Variants in TMEM178B observed in about 807,000 individuals in gnomAD.
TMEM178B encodes the protein transmembrane protein 178B.
In TMEM178B, 5 loss-of-function variants were observed where a neutral mutation model predicts 31.0. The ratio of observed to expected loss-of-function variants is 0.16; its 90% CI spans 0.08 to 0.34. TMEM178B has a LOEUF of 0.34. Ranked by LOEUF, TMEM178B falls within the 10% of genes least tolerant of loss-of-function variation. TMEM178B has a pLI of 1.00. For missense variants in TMEM178B, 275 were observed against 400.3 expected (o/e 0.69, Z 2.67); for synonymous variants, 164 against 164.0 (o/e 1.00, Z 0.00).
At chr7:141,212,793 T>C in intron 2 of TMEM178B, 89 bp downstream of exon 2, 1 of 1,039,102 alleles carries the variant, frequency 9.6e-7, no homozygotes, top group East Asian at 2.6e-5. Flanking sequence ...CCTTCTGGGA[T>C]CTGTGGATGG....
chr7:141,081,371 C>T (rs1563082522), intron 1 of TMEM178B, among the ~76,000 whole-genome samples: 1 of 152,230 alleles, frequency 6.6e-6, no homozygotes, highest in East Asian at 1.9e-4. Flanking sequence ...TGCAGTGGCT[C>T]ACACCTGTAA....
At chr7:141,292,992 G>A (rs1282782740) in intron 2 of TMEM178B, among the ~76,000 whole-genome samples, 1 of 151,898 alleles carries the variant, frequency 6.6e-6, no homozygotes, top group African/African-American at 2.4e-5. Context: ...TGTTGAGCCT[G>A]CAATAGTGAG....
chr7:141,340,169 A>G (rs533954954), intron 2 of TMEM178B, among the ~76,000 whole-genome samples: 1 of 152,348 alleles, frequency 6.6e-6, no homozygotes, highest in East Asian at 1.9e-4. Flanking sequence ...CAAGAAATGC[A>G]GGCAGTTTCT....
At chr7:141,393,667 C>G (rs1457252329) in intron 2 of TMEM178B, among the ~76,000 whole-genome samples, 1 of 152,224 alleles carries the variant, frequency 6.6e-6, no homozygotes, top group African/African-American at 2.4e-5. Context: ...TGTTAGAAAT[C>G]TCTTGCAAAG....
intron 2 of TMEM178B, among the ~76,000 whole-genome samples, chr7:141,397,895 C>T (rs919390553): frequency 1.3e-5 from 2 of 152,170 alleles, no homozygotes; most frequent in Admixed American, 6.5e-5. Flanking sequence ...CAGTAGTTAT[C>T]GGGCAAATGG....
At chr7:141,368,240 A>AC (rs1348680612) in intron 2 of TMEM178B, among the ~76,000 whole-genome samples, 1 of 152,040 alleles carries the variant, frequency 6.6e-6, no homozygotes, top group Non-Finnish European at 1.5e-5. Context: ...AATTGCTTGA[A>AC]CCTGGGGGGT....
chr7:141,134,189 C>T (rs1369733385), intron 1 of TMEM178B, among the ~76,000 whole-genome samples: 1 of 152,108 alleles, frequency 6.6e-6, no homozygotes, highest in African/African-American at 2.4e-5. Flanking sequence ...GAGTTATGAT[C>T]ATGCCACTGC....
At chr7:141,330,084 CT>C (rs58460032) in intron 2 of TMEM178B, among the ~76,000 whole-genome samples, 14,300 of 146,872 alleles carry the variant, frequency 0.097, 1,443 homozygotes, top group African/African-American at 0.26. Context: ...TATTGAAGGG[CT>C]TTTTTTTTTG....
At chr7:141,276,861 T>C (rs920241401) in intron 2 of TMEM178B, among the ~76,000 whole-genome samples, 4 of 152,236 alleles carry the variant, frequency 2.6e-5, no homozygotes, top group Non-Finnish European at 4.4e-5. Flanking sequence ...CTGTACTGAA[T>C]ATGGTAGGCA....
intron 2 of TMEM178B, among the ~76,000 whole-genome samples, chr7:141,261,511 G>A (rs1798011869): frequency 6.6e-6 from 1 of 152,142 alleles, no homozygotes; most frequent in African/African-American, 2.4e-5. Context: ...AGATGCAGAG[G>A]AGGGTCCCAA....
At chr7:141,500,792 C>A in the TMEM178B span, among the ~76,000 whole-genome samples, 1 of 152,122 alleles carries the variant, frequency 6.6e-6, no homozygotes. Context: ...ACCCTCAACC[C>A]AGAGCAGGTG....
intron 2 of TMEM178B, among the ~76,000 whole-genome samples, chr7:141,427,404 G>T (rs1801338680): frequency 1.3e-5 from 2 of 152,148 alleles, no homozygotes; most frequent in Admixed American, 1.3e-4. Context: ...AAAGCCACAT[G>T]TTTACAGCCA....
At chr7:141,189,958 G>A (rs915113590) in intron 1 of TMEM178B, among the ~76,000 whole-genome samples, 1 of 152,216 alleles carries the variant, frequency 6.6e-6, no homozygotes, top group Non-Finnish European at 1.5e-5. Context: ...CCTGGGCAGA[G>A]CTGAAACAGA....
chr7:141,489,975 G>T, the TMEM178B span, among the ~76,000 whole-genome samples: 1 of 152,226 alleles, frequency 6.6e-6, no homozygotes, highest in African/African-American at 2.4e-5. Context: ...TTGTATAGGG[G>T]TTGCTACAAG....
At position 141,301,817 on chromosome 7, in the gene TMEM178B, C is replaced by T. The variant is rs772105949; in HGVS notation, c.496+89113C>T. The stretch of plus-strand genomic sequence containing the variant: ...CAGTGCAGAAAGAACTCAAGGGAGC[C>T]CCGGGGGGCCCTCATCCCACAGAGA... On this transcript the variant is annotated intron_variant, in intron 2 of 3. Transcript: ENST00000565468. Among the ~76,000 whole-genome samples the T allele has an allele frequency of 8.5e-5, 13 of 152,164 alleles. No homozygotes were observed. In the South Asian group the frequency reaches 1.5e-3, roughly 17 times the overall value.
At chr7:141,104,551 C>T (rs939842151) in intron 1 of TMEM178B, among the ~76,000 whole-genome samples, 12 of 152,246 alleles carry the variant, frequency 7.9e-5, no homozygotes, top group African/African-American at 2.9e-4. Context: ...CTGCTTTCTA[C>T]TCTCTCGCTC....
chr7:141,341,543 C>G (rs1032423882), intron 2 of TMEM178B, among the ~76,000 whole-genome samples: 1 of 152,212 alleles, frequency 6.6e-6, no homozygotes, highest in Admixed American at 6.5e-5. Flanking sequence ...CTGATTTCAG[C>G]TCCCCCTGAG....
chr7:141,187,525 C>G (rs1213542100), intron 1 of TMEM178B, among the ~76,000 whole-genome samples: 1 of 152,122 alleles, frequency 6.6e-6, no homozygotes, highest in Admixed American at 6.5e-5. Context: ...ACACTGACTT[C>G]CACAATGGTT....
At chr7:141,434,590 A>G (rs1376606404) in intron 2 of TMEM178B, among the ~76,000 whole-genome samples, 2 of 152,216 alleles carry the variant, frequency 1.3e-5, no homozygotes, top group African/African-American at 4.8e-5. Flanking sequence ...TATTGAGAAT[A>G]TCCATCACCT....
Sources: gnomAD v4.1 joint callset for allele counts (sites outside exome capture counted in the v4.1 genomes callset) on GRCh38, gnomAD v4.1.1 for gene constraint, MANE v1.5 for transcripts, NCBI Gene and HGNC (gene_info 2026-07-23, HGNC 2026-07-21) for gene names.